The following TENM3 variants were observed in gnomAD, a reference collection of about 807,000 sequenced individuals.
TENM3 encodes teneurin-3.
A neutral mutation model predicts 255.1 loss-of-function variants in TENM3; 63 were observed. That is an observed-to-expected ratio of 0.25 (90% CI 0.20 to 0.30). The LOEUF is 0.30. Among genes scored for constraint, TENM3 ranks in the 10% least tolerant of loss-of-function variants. The probability of loss-of-function intolerance (pLI) is 1.00; values close to 1 mark genes in which losing one functional copy is unlikely to be tolerated. For synonymous variants in TENM3, 1,306 were observed against 1,322.3 expected, an observed-to-expected ratio of 0.99 and a Z score of 0.27; for missense variants, 2,929 against 3,461.1, an observed-to-expected ratio of 0.85 and a Z score of 3.86.
At chr4:181,661,821 T>C in the TENM3 span, among the ~76,000 whole-genome samples, 3 of 152,054 alleles carry the variant, frequency 2.0e-5, no homozygotes, top group Admixed American at 2.0e-4. Flanking sequence ...TCCCTCTTTC[T>C]TCTGCCATTT....
chr4:182,787,638 G>A (rs1327481068), intron 24 of TENM3, among the ~76,000 whole-genome samples: 1 of 150,498 alleles, frequency 6.6e-6, no homozygotes, highest in East Asian at 2.0e-4. Flanking sequence ...GGAGGCTGAG[G>A]CAGGAGAATG....
At chr4:181,570,314 G>T in the TENM3 span, among the ~76,000 whole-genome samples, 1 of 151,966 alleles carries the variant, frequency 6.6e-6, no homozygotes, top group Non-Finnish European at 1.5e-5. Context: ...CAAAGTGCTG[G>T]GATTACAGGC....
chr4:182,732,025 C>T (rs1307195555), intron 16 of TENM3, among the ~76,000 whole-genome samples: 1 of 152,042 alleles, frequency 6.6e-6, no homozygotes, highest in South Asian at 2.1e-4. Context: ...TCGTGATCCG[C>T]CCACCTTGAC....
At chr4:182,384,572 C>A (rs1767783315) in intron 3 of TENM3, among the ~76,000 whole-genome samples, 1 of 152,110 alleles carries the variant, frequency 6.6e-6, no homozygotes, top group Admixed American at 6.5e-5. Context: ...TTCAAAAACA[C>A]CACCGATATT....
the TENM3 span, among the ~76,000 whole-genome samples, chr4:181,698,011 G>T: frequency 6.6e-6 from 1 of 152,044 alleles, no homozygotes; most frequent in East Asian, 2.0e-4. Context: ...TCAGGAGTTT[G>T]AGACCGGCCT....
chr4:182,497,847 C>CATATATATATATATATATAT (rs56170155), intron 3 of TENM3, among the ~76,000 whole-genome samples: 21 of 135,644 alleles, frequency 1.5e-4, no homozygotes, highest in African/African-American at 4.6e-4. Context: ...ACTAAAAATA[C>CATATATATATATATATATAT]ATATATATAT....
At chr4:182,083,831 C>T in the TENM3 span, among the ~76,000 whole-genome samples, 1 of 152,078 alleles carries the variant, frequency 6.6e-6, no homozygotes, top group African/African-American at 2.4e-5. Context: ...AGTTGGTCTC[C>T]ATAACTGAGG....
chr4:181,592,660 C>CTGTT, the TENM3 span, among the ~76,000 whole-genome samples: 1 of 101,082 alleles, frequency 9.9e-6, no homozygotes, highest in Non-Finnish European at 2.4e-5. Context: ...CTGAAAATCT[C>CTGTT]TCTTTTTTTT....
At chr4:182,263,117 G>A (rs2150173323) in intron 1 of TENM3, among the ~76,000 whole-genome samples, 1 of 152,230 alleles carries the variant, frequency 6.6e-6, no homozygotes, top group South Asian at 2.1e-4. Flanking sequence ...GTAACATAAT[G>A]TCTGGCGACC....
At chr4:182,176,869 T>C (rs1193866061) in intron 1 of TENM3, among the ~76,000 whole-genome samples, 1 of 147,002 alleles carries the variant, frequency 6.8e-6, no homozygotes, top group Non-Finnish European at 1.5e-5. Context: ...GAGATGAGGT[T>C]TCACCATGTT....
chr4:181,634,257 C>T, the TENM3 span, among the ~76,000 whole-genome samples: 382 of 152,202 alleles, frequency 2.5e-3, 5 homozygotes, highest in East Asian at 0.044. Flanking sequence ...CTTGAAAGTT[C>T]GCCCTGTGTA....
chr4:182,308,241 A>C (rs1215143457), intron 1 of TENM3, among the ~76,000 whole-genome samples: 3 of 152,188 alleles, frequency 2.0e-5, no homozygotes, highest in Non-Finnish European at 4.4e-5. Flanking sequence ...CCCCCTCAGC[A>C]GATGACCCGA....
At chr4:181,651,426 A>G in the TENM3 span, among the ~76,000 whole-genome samples, 1 of 152,028 alleles carries the variant, frequency 6.6e-6, no homozygotes, top group East Asian at 1.9e-4. Context: ...TGTCTCTACT[A>G]ATAGTACAAA....
the TENM3 span, among the ~76,000 whole-genome samples, chr4:182,008,976 A>G: frequency 6.6e-6 from 1 of 151,868 alleles, no homozygotes; most frequent in Admixed American, 6.6e-5. Flanking sequence ...TTTTCTTTCA[A>G]TAGTCAGGTC....
the TENM3 span, among the ~76,000 whole-genome samples, chr4:181,676,079 G>T: frequency 3.0e-4 from 31 of 104,252 alleles, no homozygotes; most frequent in Non-Finnish European, 6.1e-4. Flanking sequence ...CTGCGGGAAG[G>T]GGGGGTGCAT....
chr4:182,209,008 G>A (rs867496141), intron 1 of TENM3, among the ~76,000 whole-genome samples: 29 of 140,714 alleles, frequency 2.1e-4, no homozygotes, highest in Middle Eastern at 4.1e-3. Context: ...CGCCCTTGTC[G>A]CCCAGGCTGG....
chr4:182,618,747 T>C (rs1299429739), intron 4 of TENM3, among the ~76,000 whole-genome samples: 2 of 151,972 alleles, frequency 1.3e-5, no homozygotes, highest in African/African-American at 2.4e-5. Context: ...ATTTAAAACA[T>C]GATGTTTCAT....
chr4:182,048,920 C>A, the TENM3 span, among the ~76,000 whole-genome samples: 1 of 152,284 alleles, frequency 6.6e-6, no homozygotes, highest in East Asian at 1.9e-4. Context: ...TGTTTTCATG[C>A]AAGAAGTTCA....
rs866758519 is a variant in TENM3 at position 182,532,801 on chromosome 4, A to G, written c.512-68123A>G. ...TTCCTATAATTGTCATTTTCTTTAA[A>G]AAATGAAATATTGGATACAGTTATT... is the stretch of plus-strand genomic sequence containing the variant. On this transcript the variant is annotated intron_variant, in intron 3 of 27. Transcript: ENST00000511685. 7.9e-4 allele frequency among the ~76,000 whole-genome samples: 120 copies of G among 152,348 alleles called. 1 individual carries two copies. The Middle Eastern group carries it at 0.014, about 17-fold the overall frequency.
Sources: allele counts gnomAD v4.1 joint callset (sites outside exome capture counted in the v4.1 genomes callset), GRCh38; gene constraint gnomAD v4.1.1; transcripts MANE v1.5; gene names NCBI Gene and HGNC (gene_info 2026-07-23, HGNC 2026-07-21).